TBC1D2B: variants seen among roughly 807,000 people sequenced by gnomAD.
The protein encoded by TBC1D2B is TBC1 domain family, member 2B.
In TBC1D2B, 64 loss-of-function variants were observed where a neutral mutation model predicts 100.8. The observed-to-expected ratio is 0.64, with a 90% CI of 0.52 to 0.78. TBC1D2B has a LOEUF of 0.78. TBC1D2B is among the 30% of genes least tolerant of loss of function. The pLI is 0.00. For missense variants in TBC1D2B, 1,052 were observed against 1,218.4 expected (o/e 0.86, Z 2.03); for synonymous variants, 480 against 479.7 (o/e 1.00, Z -0.01).
chr15:78,070,899 T>C (rs1230235060), intron 1 of TBC1D2B, among the ~76,000 whole-genome samples: 4 of 152,232 alleles, frequency 2.6e-5, no homozygotes, highest in African/African-American at 9.6e-5. Flanking sequence ...CTCAGCTTGC[T>C]GCAACCTCTG....
intron 3 of TBC1D2B, among the ~76,000 whole-genome samples, chr15:78,034,084 C>T (rs1334869199): frequency 2.0e-5 from 3 of 152,186 alleles, no homozygotes; most frequent in South Asian, 2.1e-4. Flanking sequence ...GCATCTTGCA[C>T]GTGCTATTTA....
At chr15:78,038,532 A>G (rs992517319) in intron 3 of TBC1D2B, among the ~76,000 whole-genome samples, 2 of 152,240 alleles carry the variant, frequency 1.3e-5, no homozygotes, top group Non-Finnish European at 2.9e-5. Flanking sequence ...GGCCATGTTC[A>G]GCAGCACAGC....
chr15:78,050,878 T>C (rs1181773459), intron 2 of TBC1D2B, among the ~76,000 whole-genome samples: 1 of 152,240 alleles, frequency 6.6e-6, no homozygotes, highest in Non-Finnish European at 1.5e-5. Flanking sequence ...TTTCCTTACT[T>C]ATAGACCTTG....
In TBC1D2B at chr15:78,030,468, AT is replaced by A. The variant is rs552651969; in HGVS notation, c.684-299del. 8.9e-3 allele frequency among the ~76,000 whole-genome samples: 1,342 copies of A among 150,296 alleles called. 6 individuals carry two copies. Among genetic ancestry groups the A allele is most frequent in the Non-Finnish European group, 0.015 (994 of 67,446 alleles). On this transcript the variant is annotated intron_variant, in intron 3 of 12. Transcript: ENST00000300584. ...CAGGCTGCACCACCATGCCCAGCTAATTTTTTTTTTAATTATTTTTAGTAGA... is the reference window on the plus strand; with the variant it reads ...CAGGCTGCACCACCATGCCCAGCTAATTTTTTTTTAATTATTTTTAGTAGA...
intron 10 of TBC1D2B, among the ~76,000 whole-genome samples, chr15:78,003,893 A>T (rs774486739): frequency 6.6e-6 from 1 of 152,192 alleles, no homozygotes; most frequent in Non-Finnish European, 1.5e-5. Flanking sequence ...GCAGATGGGG[A>T]TTCTGCTTCC....
In TBC1D2B at chr15:78,003,425, T is replaced by G. The variant is rs745757526; in HGVS notation, c.2454A>C (p.Glu818Asp). Residue 818 changes from glutamate (E) to aspartate (D), a missense_variant, in exon 11 of 13, where the codon GAA (glutamate) becomes GAC (aspartate). Glu to Asp is a conservative substitution (Grantham distance 45). This residue lies in a region of TBC1D2B where 373 missense variants were observed against 464.9 expected (regional missense o/e 0.80). Coordinates refer to ENST00000300584, the MANE Select transcript of TBC1D2B (RefSeq NM_144572.2). Reference protein sequence around the residue: ...EKLPRLHGHFEQYKVDYTLIT... With the variant: ...EKLPRLHGHFDQYKVDYTLIT... ...TGAGAGTGTAGTCGACTTTGTACTG[T>G]TCAAAGTGGCCATGCAACCGAGGCA... 6 of 1,613,574 alleles carry G rather than the reference T, an allele frequency of 3.7e-6. No homozygotes were observed. Among genetic ancestry groups the G allele is most frequent in the Middle Eastern group, 3.3e-4 (2 of 6,082 alleles).
rs1422986345 is a variant in TBC1D2B at position 77,997,088 on chromosome 15, A to C, written c.*1072T>G. On this transcript the variant is annotated 3_prime_UTR_variant, in exon 13 of 13. Transcript: ENST00000300584. ...GAGCTCACCCAAGCCTGCCCCAAGC[A>C]AAAAAGTTTCCCAGCCCCAGGCACT... is the stretch of plus-strand genomic sequence containing the variant. 1 of 152,482 alleles carries C rather than the reference A, an allele frequency of 6.6e-6. No individual in the cohort carries two copies. The highest frequency in any genetic ancestry group is 1.5e-5 in the Non-Finnish European group (1 of 68,270). The allele number at this position is 152,482 out of a possible 1,614,324, so 9.4% of individuals were successfully genotyped here. A position where few individuals can be genotyped will look rare whatever the true frequency, so the allele number is the denominator to read the frequency against.
intron 2 of TBC1D2B, among the ~76,000 whole-genome samples, chr15:78,053,102 T>C (rs890527457): frequency 6.6e-6 from 1 of 152,202 alleles, no homozygotes; most frequent in Admixed American, 6.5e-5. Context: ...GAAAAATTCA[T>C]CTAAGAATGC....
intron 8 of TBC1D2B, among the ~76,000 whole-genome samples, chr15:78,015,857 A>C (rs553108771): frequency 1.3e-5 from 2 of 152,334 alleles, no homozygotes; most frequent in South Asian, 4.1e-4. Context: ...TGAGTAGCCC[A>C]AACAATGCAG....
At chr15:78,061,050 A>G (rs1455263206) in intron 1 of TBC1D2B, among the ~76,000 whole-genome samples, 1 of 150,206 alleles carries the variant, frequency 6.7e-6, no homozygotes, top group Non-Finnish European at 1.5e-5. Flanking sequence ...GTTCAAGATC[A>G]GCCTGGGCAA....
intron 3 of TBC1D2B, among the ~76,000 whole-genome samples, chr15:78,035,068 T>C (rs1239105062): frequency 6.6e-6 from 1 of 152,182 alleles, no homozygotes; most frequent in African/African-American, 2.4e-5. Flanking sequence ...TGACAGATCT[T>C]TGAGAGGCCT....
chr15:78,040,888 G>GAAAGAAAGAAAGAAAGAA (rs1567026304), intron 3 of TBC1D2B, among the ~76,000 whole-genome samples: 3 of 122,398 alleles, frequency 2.5e-5, no homozygotes, highest in Non-Finnish European at 3.5e-5. Context: ...GAAAGAGAGA[G>GAAAGAAAGAAAGAAAGAA]AGAGAGAAAG....
At chr15:78,020,789 G>A (rs1417639669) in intron 6 of TBC1D2B, among the ~76,000 whole-genome samples, 1 of 152,196 alleles carries the variant, frequency 6.6e-6, no homozygotes, top group Non-Finnish European at 1.5e-5. Flanking sequence ...CAGTGCCTGT[G>A]TACCCGTGCA....
At chr15:77,999,172 A>G (rs2141608760) in intron 12 of TBC1D2B, 1 of 412,832 alleles carries the variant, frequency 2.4e-6, no homozygotes, top group Non-Finnish European at 5.0e-6. Flanking sequence ...CTTTGTATCC[A>G]CCAACATGGG....
intron 3 of TBC1D2B, among the ~76,000 whole-genome samples, chr15:78,042,743 C>CA (rs2073115921): frequency 1.3e-5 from 2 of 152,342 alleles, no homozygotes; most frequent in African/African-American, 4.8e-5. Context: ...GGCCGGAACA[C>CA]AGAGGCTCAC....
At chr15:78,029,432 T>A (rs748364656) in intron 4 of TBC1D2B, among the ~76,000 whole-genome samples, 52 of 152,204 alleles carry the variant, frequency 3.4e-4, no homozygotes, top group Non-Finnish European at 7.1e-4. Context: ...AGTTGCAGAT[T>A]GCAATTAAAT....
At chr15:78,068,876 C>T (rs937307789) in intron 1 of TBC1D2B, among the ~76,000 whole-genome samples, 1 of 152,232 alleles carries the variant, frequency 6.6e-6, no homozygotes, top group African/African-American at 2.4e-5. Flanking sequence ...TGAGGGCTGG[C>T]CTGACAGGAT....
rs766323050 is a variant in TBC1D2B, at chr15:78,025,264, G to T, written c.1081C>A (p.Gln361Lys). The change falls in exon 5 of 13, where the codon CAG becomes AAG. Residue 361 changes from glutamine (Q) to lysine (K), a missense_variant. Physicochemically the swap from Gln to Lys is moderately conservative, Grantham distance 53. This residue lies in a region of TBC1D2B where 627 missense variants were observed against 646.1 expected (regional missense o/e 0.97). Coordinates refer to ENST00000300584, the MANE Select transcript of TBC1D2B (RefSeq NM_144572.2). ...AAGCCAGAAGAAGAAGTTACCTTCT[G>T]ACTGGACAGGTCTTTCTTTAACTGT... ...LEQLKKDLSS[Q>K]KELVRLLQQT... 22 of 1,612,984 alleles carry T rather than the reference G, an allele frequency of 1.4e-5. No homozygotes were observed. The highest frequency in any genetic ancestry group is 3.5e-4 in the Middle Eastern group (2 of 5,696).
At chr15:78,051,776 G>A (rs1755052462) in intron 2 of TBC1D2B, among the ~76,000 whole-genome samples, 1 of 152,220 alleles carries the variant, frequency 6.6e-6, no homozygotes, top group Admixed American at 6.5e-5. Context: ...ACAGAGCACT[G>A]CCATATAACA....
Sources: allele counts gnomAD v4.1 joint callset (sites outside exome capture counted in the v4.1 genomes callset), GRCh38; gene constraint gnomAD v4.1.1; regional missense constraint gnomAD v4.1.1; transcripts MANE v1.5; gene names NCBI Gene and HGNC (gene_info 2026-07-23, HGNC 2026-07-21).